The following COL19A1 variants were observed in gnomAD, a reference collection of about 807,000 sequenced individuals.
COL19A1 encodes the protein collagen type XIX alpha 1 chain, also known as collagen alpha-1(XIX) chain.
Under a neutral mutation model 190.2 loss-of-function variants are expected in COL19A1, and 159 were observed. The observed-to-expected ratio is 0.84, with a 90% CI of 0.73 to 0.95. The LOEUF is 0.95. COL19A1 is among the 40% of genes least tolerant of loss of function. The pLI is 0.00. For synonymous variants in COL19A1, 509 were observed against 458.9 expected, an observed-to-expected ratio of 1.11 and a Z score of -1.39; for missense variants, 1,418 against 1,431.9, an observed-to-expected ratio of 0.99 and a Z score of 0.16.
At chr6:70,030,538 C>CT (rs1778999906) in intron 12 of COL19A1, among the ~76,000 whole-genome samples, 1 of 152,112 alleles carries the variant, frequency 6.6e-6, no homozygotes, top group Admixed American at 6.6e-5. Flanking sequence ...ATGTTTCACA[C>CT]TTACACATTT....
chr6:70,139,405 G>A (rs938741913), intron 19 of COL19A1, among the ~76,000 whole-genome samples: 2 of 151,906 alleles, frequency 1.3e-5, no homozygotes, highest in Non-Finnish European at 2.9e-5. Flanking sequence ...ACTGCCTTTA[G>A]CCCTGTTTTC....
intron 4 of COL19A1, among the ~76,000 whole-genome samples, chr6:69,917,126 G>T (rs992701143): frequency 1.3e-5 from 2 of 152,170 alleles, no homozygotes; most frequent in Non-Finnish European, 2.9e-5. Flanking sequence ...GACACTTTTG[G>T]TGAAATATTG....
At chr6:70,090,638 T>C (rs563861454) in intron 15 of COL19A1, among the ~76,000 whole-genome samples, 2 of 152,294 alleles carry the variant, frequency 1.3e-5, no homozygotes, top group East Asian at 3.9e-4. Context: ...AAATTAGTTC[T>C]ATTGAGCTTC....
intron 19 of COL19A1, among the ~76,000 whole-genome samples, chr6:70,138,771 G>A (rs140857870): frequency 3.9e-5 from 6 of 152,110 alleles, no homozygotes; most frequent in East Asian, 3.9e-4. Context: ...TTCAGGAGTC[G>A]TGCTTGCCCT....
intron 12 of COL19A1, among the ~76,000 whole-genome samples, chr6:70,024,398 T>C (rs1562095807): frequency 6.6e-6 from 1 of 152,196 alleles, no homozygotes; most frequent in Non-Finnish European, 1.5e-5. Context: ...TTTTCTCACT[T>C]ACATAAATAT....
chr6:70,199,643 C>T lies in COL19A1; in HGVS notation c.3130C>T (p.Pro1044Ser). Residue 1044 changes from proline (P) to serine (S), a missense_variant, in exon 49 of 51, where the codon CCA (proline) becomes TCA (serine). Physicochemically the swap from Pro to Ser is moderately conservative, Grantham distance 74. Transcript: ENST00000620364. ...TGTATTCCTATCCCAGCTCAAGCTG[C>T]CAGCAGCAATGTTGGCTGCCCAAGC... ...MAVFLSQLKL[P>S]AAMLAAQAYG... The T allele has an allele frequency of 6.2e-7, 1 of 1,605,886 alleles. No homozygotes were observed. The highest frequency in any genetic ancestry group is 1.7e-4 in the Middle Eastern group (1 of 5,992).
At chr6:70,094,915 A>G (rs1198353703) in intron 15 of COL19A1, among the ~76,000 whole-genome samples, 1 of 152,202 alleles carries the variant, frequency 6.6e-6, no homozygotes, top group Non-Finnish European at 1.5e-5. Flanking sequence ...TAAAAGTTAT[A>G]TTGAAATTTA....
chr6:70,144,862 C>T (rs1279527071), intron 24 of COL19A1, 56 bp from the exon 25 acceptor site: 1 of 1,111,152 alleles, frequency 9.0e-7, no homozygotes, highest in African/African-American at 1.6e-5. Context: ...ACTACCTCCT[C>T]ACTTCCCACC....
chr6:70,106,517 A>G (rs975498345), intron 16 of COL19A1, among the ~76,000 whole-genome samples: 7 of 152,210 alleles, frequency 4.6e-5, no homozygotes, highest in Admixed American at 3.9e-4. Context: ...TATCACTCCA[A>G]TTTAGCTTAA....
At chr6:70,135,784 A>G (rs905281443) in intron 18 of COL19A1, among the ~76,000 whole-genome samples, 3 of 152,176 alleles carry the variant, frequency 2.0e-5, no homozygotes. Context: ...ACAGCTTCAA[A>G]TTTGACCATT....
chr6:70,148,077 G>C (rs1445771996), intron 27 of COL19A1, among the ~76,000 whole-genome samples: 1 of 152,116 alleles, frequency 6.6e-6, no homozygotes, highest in Non-Finnish European at 1.5e-5. Context: ...CCTGGCACAT[G>C]GGTGTTTTCG....
intron 9 of COL19A1, among the ~76,000 whole-genome samples, chr6:69,952,524 T>C (rs1384500412): frequency 6.6e-6 from 1 of 151,574 alleles, no homozygotes; most frequent in East Asian, 1.9e-4. Context: ...TAAAAAAAGC[T>C]GTATATATTA....
chr6:70,163,642 A>T (rs759409238), intron 36 of COL19A1, among the ~76,000 whole-genome samples: 31 of 152,206 alleles, frequency 2.0e-4, no homozygotes, highest in Non-Finnish European at 7.4e-5. Flanking sequence ...TTCAGGCTGG[A>T]TTCAGAATCC....
intron 22 of COL19A1, 46 bp from the exon 23 acceptor site, chr6:70,142,721 T>A (rs1786341740): frequency 2.6e-6 from 4 of 1,544,376 alleles, no homozygotes; most frequent in Admixed American, 3.9e-5. Context: ...CTATCTTTTT[T>A]TTTCTTTTTT....
At chr6:70,149,583 G>A in intron 27 of COL19A1, 121 bp from the exon 28 acceptor site, 1 of 1,239,056 alleles carries the variant, frequency 8.1e-7, no homozygotes, top group Non-Finnish European at 1.1e-6. Flanking sequence ...TTCCACGTGT[G>A]TACGGTGGCA....
chr6:70,151,701 T>C (rs1017593654), intron 31 of COL19A1, among the ~76,000 whole-genome samples: 6 of 152,108 alleles, frequency 3.9e-5, no homozygotes, highest in Non-Finnish European at 5.9e-5. Flanking sequence ...TAGTTATGAA[T>C]TGGCTACAGG....
intron 1 of COL19A1, among the ~76,000 whole-genome samples, chr6:69,874,280 A>G (rs1239259107): frequency 6.6e-6 from 1 of 152,224 alleles, no homozygotes; most frequent in African/African-American, 2.4e-5. Flanking sequence ...GTTGAGGTCA[A>G]CCTACCGGTG....
intron 14 of COL19A1, among the ~76,000 whole-genome samples, chr6:70,060,729 C>A (rs543459741): frequency 6.6e-6 from 1 of 152,002 alleles, no homozygotes; most frequent in African/African-American, 2.4e-5. Context: ...TTCCACATTA[C>A]GGTGAGTGTA....
chr6:70,041,155 C>G (rs1001938859), intron 14 of COL19A1, among the ~76,000 whole-genome samples: 5 of 152,084 alleles, frequency 3.3e-5, no homozygotes, highest in Non-Finnish European at 7.4e-5. Context: ...GTATCTCTTG[C>G]TAGGAATATT....
Sources: allele counts gnomAD v4.1 joint callset (sites outside exome capture counted in the v4.1 genomes callset), GRCh38; gene constraint gnomAD v4.1.1; transcripts MANE v1.5; gene names NCBI Gene and HGNC (gene_info 2026-07-23, HGNC 2026-07-21).